SDK1: variants seen among roughly 807,000 people sequenced by gnomAD.
The protein encoded by SDK1 is protein sidekick-1.
Under a neutral mutation model 245.5 loss-of-function variants are expected in SDK1, and 157 were observed. The observed-to-expected ratio is 0.64, with a 90% CI of 0.56 to 0.73. The LOEUF is 0.73. Among genes scored for constraint, SDK1 ranks in the 30% least tolerant of loss-of-function variants. SDK1 has a pLI of 0.00. For synonymous variants in SDK1, 1,647 were observed against 1,278.5 expected (o/e 1.29, Z -6.15); for missense variants, 3,583 against 3,002.3 (o/e 1.19, Z -4.52).
intron 1 of SDK1, among the ~76,000 whole-genome samples, chr7:3,327,539 G>T (rs180674682): frequency 1.3e-5 from 2 of 151,982 alleles, no homozygotes; most frequent in East Asian, 3.9e-4. Flanking sequence ...GGGATTTAGC[G>T]TTGAGATTTA....
intron 17 of SDK1, among the ~76,000 whole-genome samples, chr7:4,040,823 CAA>C (rs1341451273): frequency 6.6e-6 from 1 of 152,172 alleles, no homozygotes; most frequent in Admixed American, 6.5e-5. Context: ...CACGTGGTGA[CAA>C]AGAAAACGGA....
intron 14 of SDK1, among the ~76,000 whole-genome samples, chr7:3,997,859 C>G (rs752938330): frequency 1.6e-4 from 25 of 152,324 alleles, no homozygotes; most frequent in Non-Finnish European, 3.4e-4. Flanking sequence ...TGCTGCCATT[C>G]ATGGCACTCA....
At chr7:3,954,741 G>C in intron 7 of SDK1, among the ~76,000 whole-genome samples, 1 of 149,804 alleles carries the variant, frequency 6.7e-6, no homozygotes, top group South Asian at 2.2e-4. Context: ...TCCATAAAAT[G>C]GAGATGGATG....
At chr7:3,797,480 C>G (rs1159388649) in intron 4 of SDK1, among the ~76,000 whole-genome samples, 2 of 151,680 alleles carry the variant, frequency 1.3e-5, no homozygotes. Context: ...CACACACACA[C>G]ACACACACAC....
intron 22 of SDK1, among the ~76,000 whole-genome samples, chr7:4,093,864 T>C (rs983449237): frequency 6.6e-6 from 1 of 152,206 alleles, no homozygotes; most frequent in African/African-American, 2.4e-5. Context: ...CCTTGCAGGA[T>C]GTATGGGGCT....
intron 5 of SDK1, among the ~76,000 whole-genome samples, chr7:3,857,686 CA>C (rs76491789): frequency 2.9e-4 from 40 of 138,562 alleles, no homozygotes; most frequent in South Asian, 1.4e-3. Context: ...GACCCTGTCT[CA>C]AAAAAAAAAA....
At chr7:4,100,838 A>G (rs771350071) in intron 22 of SDK1, among the ~76,000 whole-genome samples, 4 of 152,152 alleles carry the variant, frequency 2.6e-5, no homozygotes, top group Non-Finnish European at 5.9e-5. Flanking sequence ...AGAGCCGTGA[A>G]TTGGAGTCGG....
At position 3,969,433 on chromosome 7, in the gene SDK1, CA is replaced by C. The variant is rs769266374; in HGVS notation, c.1714+10del. On this transcript the variant is annotated intron_variant, in intron 11 of 44. Transcript: ENST00000404826. ...CACGCTCACTGTGTGGAGTAAGGAGCAGCCCTCGCACGTCGGCCTTCTGTTA... is the reference window on the plus strand; with the variant it reads ...CACGCTCACTGTGTGGAGTAAGGAGCGCCCTCGCACGTCGGCCTTCTGTTA... The C allele has an allele frequency of 6.5e-7, 1 of 1,540,226 alleles. No individual in the cohort carries two copies. The highest frequency in any genetic ancestry group is 1.3e-5 in the South Asian group (1 of 79,136).
At chr7:3,444,084 C>A (rs1046550065) in intron 1 of SDK1, among the ~76,000 whole-genome samples, 4 of 152,226 alleles carry the variant, frequency 2.6e-5, no homozygotes, top group African/African-American at 9.6e-5. Context: ...TACTGCTCTT[C>A]CTTCTTTACC....
intron 35 of SDK1, among the ~76,000 whole-genome samples, chr7:4,197,946 T>C (rs767452102): frequency 3.9e-5 from 6 of 152,170 alleles, no homozygotes; most frequent in Non-Finnish European, 8.8e-5. Flanking sequence ...AAAAGCAAAG[T>C]GCAGATGGTT....
At chr7:3,487,111 C>G (rs1251255615) in intron 1 of SDK1, among the ~76,000 whole-genome samples, 1 of 152,120 alleles carries the variant, frequency 6.6e-6, no homozygotes, top group African/African-American at 2.4e-5. Context: ...CAGCTCTGTT[C>G]CAATAAAATT....
intron 5 of SDK1, among the ~76,000 whole-genome samples, chr7:3,915,971 A>G (rs773962779): frequency 6.6e-6 from 1 of 152,256 alleles, no homozygotes; most frequent in Non-Finnish European, 1.5e-5. Flanking sequence ...TTACTTCCCT[A>G]AACCAAAAAG....
chr7:3,304,947 C>T (rs914129219), intron 1 of SDK1, among the ~76,000 whole-genome samples: 1 of 152,156 alleles, frequency 6.6e-6, no homozygotes, highest in Non-Finnish European at 1.5e-5. Flanking sequence ...CCAGGTGATT[C>T]TCATGTTTAG....
In SDK1 at chr7:3,713,519, CAGCA is replaced by C. The variant is rs534030007; in HGVS notation, c.713+71415_713+71418del. Among the ~76,000 whole-genome samples the C allele has an allele frequency of 8.8e-4, 134 of 152,342 alleles. 1 individual carries two copies. Among genetic ancestry groups the C allele is most frequent in the African/African-American group, 3.2e-3 (131 of 41,580 alleles). The stretch of plus-strand genomic sequence containing the variant: ...CTTAGATATGTCTCTCCCCCACCCG[CAGCA>C]CTGGCTTTTCTGTCTTTTACCATTG... On this transcript the variant is annotated intron_variant, in intron 4 of 44. Coordinates refer to ENST00000404826, the MANE Select transcript of SDK1 (RefSeq NM_152744.4).
chr7:4,259,393 C>T (rs1218291614), intron 44 of SDK1, among the ~76,000 whole-genome samples: 1 of 152,188 alleles, frequency 6.6e-6, no homozygotes, highest in Non-Finnish European at 1.5e-5. Context: ...CAAGATCGTA[C>T]CACTGCACTC....
At chr7:4,149,855 G>A (rs1780237428) in intron 30 of SDK1, among the ~76,000 whole-genome samples, 1 of 152,156 alleles carries the variant, frequency 6.6e-6, no homozygotes, top group South Asian at 2.1e-4. Flanking sequence ...GTCCAGGGCT[G>A]GAGGGACGTT....
At chr7:3,738,137 G>A (rs1648736676) in intron 4 of SDK1, among the ~76,000 whole-genome samples, 1 of 152,182 alleles carries the variant, frequency 6.6e-6, no homozygotes, top group Non-Finnish European at 1.5e-5. Context: ...CCAACATCGT[G>A]AATCTTCTCT....
At chr7:3,486,257 G>A (rs1412954583) in intron 1 of SDK1, among the ~76,000 whole-genome samples, 1 of 143,070 alleles carries the variant, frequency 7.0e-6, no homozygotes, top group East Asian at 1.9e-4. Flanking sequence ...TTTAATATCT[G>A]AGGTTGTTTT....
chr7:3,515,330 GAAGT>G (rs2128612689), intron 1 of SDK1, among the ~76,000 whole-genome samples: 1 of 152,150 alleles, frequency 6.6e-6, no homozygotes, highest in East Asian at 1.9e-4. Context: ...AATTCAGAAA[GAAGT>G]AAGGCTGACC....
Sources: allele counts gnomAD v4.1 joint callset (sites outside exome capture counted in the v4.1 genomes callset), GRCh38; gene constraint gnomAD v4.1.1; transcripts MANE v1.5; gene names NCBI Gene and HGNC (gene_info 2026-07-23, HGNC 2026-07-21).